Variants in HDAC4 observed in about 807,000 individuals in gnomAD.
The protein encoded by HDAC4 is histone deacetylase 4, also known as histone deacetylase A.
A neutral mutation model predicts 135.1 loss-of-function variants in HDAC4; 16 were observed. That is an observed-to-expected ratio of 0.12 (90% CI 0.08 to 0.18). The LOEUF (loss-of-function observed/expected upper bound fraction) is 0.18, where lower values mean the gene tolerates loss of function less well. Among genes scored for constraint, HDAC4 ranks in the 10% least tolerant of loss-of-function variants. The probability of loss-of-function intolerance (pLI) is 1.00; values close to 1 mark genes in which losing one functional copy is unlikely to be tolerated. For missense variants in HDAC4, 1,143 were observed against 1,511.8 expected (o/e 0.76, Z 4.05); for synonymous variants, 685 against 653.4 (o/e 1.05, Z -0.74).
chr2:239,125,636 C>T (rs1447706765), intron 12 of HDAC4, among the ~76,000 whole-genome samples: 2 of 152,224 alleles, frequency 1.3e-5, no homozygotes, highest in Non-Finnish European at 2.9e-5. Flanking sequence ...TTTTGAGGAA[C>T]TGCTGGACTA....
At chr2:239,124,950 C>T (rs866642542) in intron 12 of HDAC4, among the ~76,000 whole-genome samples, 376 of 142,398 alleles carry the variant, frequency 2.6e-3, no homozygotes, top group African/African-American at 3.3e-3. Context: ...TGACATTCCA[C>T]GTTATGTGAC....
intron 2 of HDAC4, among the ~76,000 whole-genome samples, chr2:239,258,025 A>G (rs1199136127): frequency 6.6e-6 from 1 of 152,238 alleles, no homozygotes; most frequent in African/African-American, 2.4e-5. Flanking sequence ...AATGCAATTT[A>G]AGATCCTGCG....
intron 12 of HDAC4, among the ~76,000 whole-genome samples, chr2:239,120,395 G>GCACACACAGGACA: frequency 6.9e-6 from 1 of 145,314 alleles, no homozygotes; most frequent in South Asian, 2.3e-4. Context: ...ACACACAGAC[G>GCACACACAGGACA]CACACAGACA....
chr2:239,206,607 G>A (rs1457042983), intron 3 of HDAC4, among the ~76,000 whole-genome samples: 1 of 150,694 alleles, frequency 6.6e-6, no homozygotes, highest in African/African-American at 2.4e-5. Context: ...AACCTAGGAA[G>A]GAAAACTCTG....
chr2:239,221,528 C>T (rs2046953859), intron 3 of HDAC4, among the ~76,000 whole-genome samples: 1 of 152,178 alleles, frequency 6.6e-6, no homozygotes, highest in African/African-American at 2.4e-5. Context: ...CCATGCCCAT[C>T]TCTGTGTCCT....
At chr2:239,078,721 C>G (rs1380462953) in intron 22 of HDAC4, among the ~76,000 whole-genome samples, 1 of 152,062 alleles carries the variant, frequency 6.6e-6, no homozygotes, top group Non-Finnish European at 1.5e-5. Flanking sequence ...GGGGAGTGAC[C>G]CTGACGGCAG....
intron 2 of HDAC4, among the ~76,000 whole-genome samples, chr2:239,241,495 T>C (rs1559272822): frequency 6.6e-6 from 1 of 152,366 alleles, no homozygotes; most frequent in South Asian, 2.1e-4. Flanking sequence ...CTTTTTCTTA[T>C]TGATTCAGAG....
Position 239,111,525 on chromosome 2 carries a change from C to T in HDAC4, c.1978+1G>A. On this transcript the variant is annotated splice_donor_variant, in intron 14 of 26. Transcript: ENST00000543185. LOFTEE classifies it high-confidence loss of function. ...CAGGCTGCACAAAGGCCACGTGTTA[C>T]CTGTCGTGAACCTCGGCTTGGTGGG... The T allele has an allele frequency of 6.2e-7, 1 of 1,611,774 alleles. No homozygotes were observed. Among genetic ancestry groups the T allele is most frequent in the Non-Finnish European group, 8.5e-7 (1 of 1,179,570 alleles).
rs964963368 is a variant in HDAC4 at position 239,310,421 on chromosome 2, T to G, written c.22+42257A>C. 3.9e-5 allele frequency among the ~76,000 whole-genome samples: 6 copies of G among 152,158 alleles called. No homozygotes were observed. The South Asian group carries it at 1.2e-3, about 32-fold the overall frequency. On this transcript the variant is annotated intron_variant, in intron 2 of 26. Coordinates refer to ENST00000543185, the MANE Select transcript of HDAC4 (RefSeq NM_001378414.1). ...CCCCGAACCAAGTATAGAGAATGTT[T>G]CACAGAGTAGCTTCAACAGAAAATG...
At chr2:239,341,508 C>T (rs1427926352) in intron 2 of HDAC4, among the ~76,000 whole-genome samples, 1 of 152,180 alleles carries the variant, frequency 6.6e-6, no homozygotes, top group Non-Finnish European at 1.5e-5. Context: ...TCAATACGGC[C>T]TTACCCTAGA....
intron 1 of HDAC4, among the ~76,000 whole-genome samples, chr2:239,390,076 A>T (rs983053124): frequency 6.6e-6 from 1 of 152,210 alleles, no homozygotes; most frequent in Non-Finnish European, 1.5e-5. Flanking sequence ...CAAAGAAACA[A>T]GCCCCAGATG....
chr2:239,382,473 T>C lies in HDAC4; in HGVS notation c.-220+18505A>G, dbSNP rs907616679. On this transcript the variant is annotated intron_variant, in intron 1 of 26. Coordinates refer to ENST00000543185, the MANE Select transcript of HDAC4 (RefSeq NM_001378414.1). Reference sequence around the variant, plus strand: ...AATAAAACTCTCAGGCAATACAAGATACACATTTTCTACTTTGTGCCTTTC... The same window carrying C: ...AATAAAACTCTCAGGCAATACAAGACACACATTTTCTACTTTGTGCCTTTC... Among the ~76,000 whole-genome samples the C allele has an allele frequency of 7.2e-5, 11 of 152,234 alleles. 1 individual carries two copies.
chr2:239,061,358 G>A (rs2032692359), intron 24 of HDAC4, among the ~76,000 whole-genome samples: 2 of 151,444 alleles, frequency 1.3e-5, no homozygotes, highest in African/African-American at 2.4e-5. Context: ...TGTGATGTGT[G>A]AGACTGTGGT....
chr2:239,289,314 T>G (rs951270803), intron 2 of HDAC4, among the ~76,000 whole-genome samples: 1 of 152,180 alleles, frequency 6.6e-6, no homozygotes, highest in Non-Finnish European at 1.5e-5. Context: ...TTTTGGTGGT[T>G]GTTTTGTTTT....
intron 13 of HDAC4, among the ~76,000 whole-genome samples, chr2:239,112,407 T>C (rs1477241971): frequency 6.6e-6 from 1 of 152,190 alleles, no homozygotes; most frequent in Non-Finnish European, 1.5e-5. Flanking sequence ...CTCCCCTCCC[T>C]GGTCTCACAT....
At chr2:239,074,716 G>A (rs188434740) in intron 22 of HDAC4, among the ~76,000 whole-genome samples, 20 of 152,318 alleles carry the variant, frequency 1.3e-4, no homozygotes, top group Admixed American at 1.1e-3. Flanking sequence ...CGTTTGTGGC[G>A]CGACTAAGAA....
chr2:239,155,957 C>T (rs1383917558), intron 7 of HDAC4, among the ~76,000 whole-genome samples: 1 of 152,210 alleles, frequency 6.6e-6, no homozygotes, highest in Non-Finnish European at 1.5e-5. Context: ...GCTACCCCAG[C>T]GCACTGCCCA....
rs192162242 is a variant in HDAC4, at chr2:239,139,741, G to A, written c.921C>T (p.Ser307=). 26 of 1,614,116 alleles carry A rather than the reference G, an allele frequency of 1.6e-5. No homozygotes were observed. The Middle Eastern group carries it at 4.9e-4, about 31-fold the overall frequency. Reference sequence around the variant, plus strand: ...TACCGTTCTCCGCGCTGACGCTCCCGGAGCTGTTGTTGGGTGAGCTGGGTC... The same window carrying A: ...TACCGTTCTCCGCGCTGACGCTCCCAGAGCTGTTGTTGGGTGAGCTGGGTC... ...GSGPSSPNNS[S]GSVSAENGIA... The change falls in exon 9 of 27, where the codon TCC becomes TCT. Residue 307 remains serine, a synonymous_variant. Transcript: ENST00000543185. The surrounding 1 kb of genome is among the most constrained non-coding windows in gnomAD (Gnocchi z 5.3).
At chr2:239,061,293 G>C (rs928051085) in intron 24 of HDAC4, among the ~76,000 whole-genome samples, 1 of 151,842 alleles carries the variant, frequency 6.6e-6, no homozygotes, top group Admixed American at 6.6e-5. Flanking sequence ...GTGCTTCTGT[G>C]GGTGTGCAGA....
Sources: gnomAD v4.1 joint callset for allele counts (sites outside exome capture counted in the v4.1 genomes callset) on GRCh38, gnomAD v4.1.1 for gene constraint, Gnocchi (gnomAD v3.1) non-coding constraint, MANE v1.5 for transcripts, NCBI Gene and HGNC (gene_info 2026-07-23, HGNC 2026-07-21) for gene names.